Variants in KLF12 observed in about 807,000 individuals in gnomAD.
KLF12 encodes the protein Krueppel-like factor 12.
A neutral mutation model predicts 37.8 loss-of-function variants in KLF12; 9 were observed. That is an observed-to-expected ratio of 0.24 (90% CI 0.14 to 0.42). The LOEUF (loss-of-function observed/expected upper bound fraction) is 0.42, where lower values mean the gene tolerates loss of function less well. Ranked by LOEUF, KLF12 falls within the 10% of genes least tolerant of loss-of-function variation. The probability of loss-of-function intolerance (pLI) is 1.00; values close to 1 mark genes in which losing one functional copy is unlikely to be tolerated. For synonymous variants in KLF12, 208 were observed against 202.1 expected (o/e 1.03, Z -0.25); for missense variants, 411 against 516.0 (o/e 0.80, Z 1.97).
At chr13:73,975,190 T>C (rs1182612345) in intron 2 of KLF12, among the ~76,000 whole-genome samples, 1 of 152,242 alleles carries the variant, frequency 6.6e-6, no homozygotes, top group Non-Finnish European at 1.5e-5. Flanking sequence ...TTTCTGCCTA[T>C]AAGGCCAATC....
intron 2 of KLF12, among the ~76,000 whole-genome samples, chr13:73,972,206 A>G (rs549108735): frequency 3.9e-5 from 6 of 152,336 alleles, no homozygotes; most frequent in Admixed American, 3.3e-4. Flanking sequence ...GAAGAATTTA[A>G]AGGCTAACAT....
intron 2 of KLF12, among the ~76,000 whole-genome samples, chr13:73,954,570 A>G (rs1203106610): frequency 2.6e-5 from 4 of 152,106 alleles, no homozygotes; most frequent in African/African-American, 7.2e-5. Flanking sequence ...GATTATTTCA[A>G]TACTAACTAA....
intron 6 of KLF12, among the ~76,000 whole-genome samples, chr13:73,750,342 G>A (rs1202204436): frequency 6.6e-6 from 1 of 152,160 alleles, no homozygotes; most frequent in Admixed American, 6.5e-5. Context: ...CCGGGCTTCA[G>A]TTTTCCTACC....
At chr13:74,269,296 CT>C in the KLF12 span, among the ~76,000 whole-genome samples, 1 of 152,174 alleles carries the variant, frequency 6.6e-6, no homozygotes, top group African/African-American at 2.4e-5. Flanking sequence ...CTCTCTCTCT[CT>C]TTGTATATAG....
At chr13:74,085,375 C>A (rs1875209532) in intron 1 of KLF12, among the ~76,000 whole-genome samples, 1 of 152,160 alleles carries the variant, frequency 6.6e-6, no homozygotes, top group Non-Finnish European at 1.5e-5. Context: ...AAGCCTAACA[C>A]AAGAAAGACG....
At chr13:73,711,845 C>T (rs912894689) in intron 7 of KLF12, among the ~76,000 whole-genome samples, 2 of 152,082 alleles carry the variant, frequency 1.3e-5, no homozygotes, top group East Asian at 3.9e-4. Context: ...TGAATCCAGG[C>T]AAATTAAATT....
rs371871691 is a variant in KLF12, at chr13:74,058,142, T to A, written c.-31-63089A>T. On this transcript the variant is annotated intron_variant, in intron 1 of 7. Coordinates refer to ENST00000377669, the MANE Select transcript of KLF12 (RefSeq NM_007249.5). ...CCATCACGCCCAGCTAATTTTTGTATTTTTAGTAGAGATGGGTTTTTGCCA... is the reference window on the plus strand; with the variant it reads ...CCATCACGCCCAGCTAATTTTTGTAATTTTAGTAGAGATGGGTTTTTGCCA... 3.3e-5 allele frequency among the ~76,000 whole-genome samples: 5 copies of A among 151,498 alleles called. No individual in the cohort carries two copies. In the South Asian group the frequency reaches 6.3e-4, roughly 19 times the overall value.
intron 1 of KLF12, among the ~76,000 whole-genome samples, chr13:74,076,836 C>A (rs1292512865): frequency 1.3e-5 from 2 of 152,128 alleles, no homozygotes; most frequent in Non-Finnish European, 2.9e-5. Context: ...CTGTTGTTCC[C>A]TTCTTTGTGT....
At chr13:73,710,771 T>G (rs1262099881) in intron 7 of KLF12, among the ~76,000 whole-genome samples, 1 of 152,206 alleles carries the variant, frequency 6.6e-6, no homozygotes, top group Non-Finnish European at 1.5e-5. Context: ...GGCCAGTTAG[T>G]AACCCTAAGT....
chr13:74,245,478 C>G, the KLF12 span, among the ~76,000 whole-genome samples: 1 of 151,858 alleles, frequency 6.6e-6, no homozygotes, highest in Admixed American at 6.6e-5. Context: ...TAAAACAAAG[C>G]AGATCTAGTA....
At chr13:73,883,126 T>C (rs1887059870) in intron 3 of KLF12, among the ~76,000 whole-genome samples, 1 of 152,214 alleles carries the variant, frequency 6.6e-6, no homozygotes, top group African/African-American at 2.4e-5. Context: ...TCCCCCTCTT[T>C]TTAAAATACA....
intron 5 of KLF12, among the ~76,000 whole-genome samples, chr13:73,781,044 G>A (rs956945684): frequency 6.6e-6 from 1 of 152,072 alleles, no homozygotes; most frequent in African/African-American, 2.4e-5. Flanking sequence ...AAATTGCCAC[G>A]GCCACTCCAA....
the KLF12 span, among the ~76,000 whole-genome samples, chr13:74,265,573 CAT>C: frequency 6.6e-6 from 1 of 152,096 alleles, no homozygotes; most frequent in African/African-American, 2.4e-5. Context: ...CCAAATTACA[CAT>C]GTCTGTTATA....
chr13:73,830,949 A>C (rs1266471476), intron 4 of KLF12, among the ~76,000 whole-genome samples: 1 of 151,718 alleles, frequency 6.6e-6, no homozygotes, highest in Non-Finnish European at 1.5e-5. Flanking sequence ...ACAGTACTAT[A>C]ATATCAATAT....
At chr13:74,240,976 G>A in the KLF12 span, among the ~76,000 whole-genome samples, 4 of 150,294 alleles carry the variant, frequency 2.7e-5, no homozygotes, top group Admixed American at 6.6e-5. Context: ...GCTTTGTTCC[G>A]TTGCTGGTGA....
At chr13:73,906,220 A>T (rs1419166874) in intron 3 of KLF12, among the ~76,000 whole-genome samples, 1 of 152,176 alleles carries the variant, frequency 6.6e-6, no homozygotes, top group Non-Finnish European at 1.5e-5. Context: ...TGTTTATCCT[A>T]CTTGGGATAC....
chr13:74,294,896 A>G, the KLF12 span, among the ~76,000 whole-genome samples: 1 of 151,968 alleles, frequency 6.6e-6, no homozygotes, highest in African/African-American at 2.4e-5. Context: ...ATCATCTCAT[A>G]TTTTATCTCC....
At chr13:73,736,388 A>C (rs1310249527) in intron 6 of KLF12, among the ~76,000 whole-genome samples, 9 of 152,202 alleles carry the variant, frequency 5.9e-5, no homozygotes, top group Non-Finnish European at 1.3e-4. Context: ...TATCAACATA[A>C]TAAATATTTG....
chr13:73,772,940 AG>A (rs1447051210), intron 5 of KLF12, among the ~76,000 whole-genome samples: 1 of 152,196 alleles, frequency 6.6e-6, no homozygotes, highest in Non-Finnish European at 1.5e-5. Context: ...ATCTGGTCTA[AG>A]TACATGTGAG....
Sources: gnomAD v4.1 joint callset for allele counts (sites outside exome capture counted in the v4.1 genomes callset) on GRCh38, gnomAD v4.1.1 for gene constraint, MANE v1.5 for transcripts, NCBI Gene and HGNC (gene_info 2026-07-23, HGNC 2026-07-21) for gene names.